The following NBEA variants were observed in gnomAD, a reference collection of about 807,000 sequenced individuals.
NBEA encodes neurobeachin.
A neutral mutation model predicts 343.4 loss-of-function variants in NBEA; 44 were observed. The ratio of observed to expected loss-of-function variants is 0.13; its 90% CI spans 0.10 to 0.16. The LOEUF is 0.16. NBEA is among the 10% of genes least tolerant of loss of function. NBEA has a pLI of 1.00. For missense variants in NBEA, 2,555 were observed against 3,631.3 expected, an observed-to-expected ratio of 0.70 and a Z score of 7.62; for synonymous variants, 1,175 against 1,238.7, an observed-to-expected ratio of 0.95 and a Z score of 1.08.
At chr13:35,136,027 T>C (rs1219935944) in intron 17 of NBEA, among the ~76,000 whole-genome samples, 1 of 151,988 alleles carries the variant, frequency 6.6e-6, no homozygotes, top group Non-Finnish European at 1.5e-5. Flanking sequence ...ATATCCCTTG[T>C]CCCAACCTAA....
At chr13:35,354,301 A>T in intron 38 of NBEA, among the ~76,000 whole-genome samples, 1 of 152,164 alleles carries the variant, frequency 6.6e-6, no homozygotes, top group Non-Finnish European at 1.5e-5. Context: ...ACTTACTTAT[A>T]TGTAGTCAGG....
chr13:35,578,929 A>T (rs1437977437), intron 45 of NBEA, among the ~76,000 whole-genome samples: 1 of 142,418 alleles, frequency 7.0e-6, no homozygotes, highest in Non-Finnish European at 1.6e-5. Context: ...GTCATCTTAA[A>T]CTTTTTTTTT....
intron 53 of NBEA, among the ~76,000 whole-genome samples, chr13:35,654,374 A>G (rs1435365233): frequency 6.6e-6 from 1 of 152,184 alleles, no homozygotes. Flanking sequence ...CCCACGTAAC[A>G]ACATCCCTTG....
chr13:35,510,116 T>C (rs1024659347), intron 41 of NBEA, among the ~76,000 whole-genome samples: 2 of 152,174 alleles, frequency 1.3e-5, no homozygotes, highest in African/African-American at 4.8e-5. Flanking sequence ...TGGGTTTGTA[T>C]CAGAGGTGAC....
intron 10 of NBEA, among the ~76,000 whole-genome samples, chr13:35,071,858 T>A (rs111701175): frequency 6.6e-6 from 1 of 152,122 alleles, no homozygotes; most frequent in African/African-American, 2.4e-5. Context: ...ATGTAAAGTA[T>A]AAATCTAAAT....
intron 41 of NBEA, among the ~76,000 whole-genome samples, chr13:35,541,728 GTGT>G (rs1166305926): frequency 3.7e-5 from 3 of 82,020 alleles, no homozygotes; most frequent in Non-Finnish European, 5.1e-5. Flanking sequence ...CTGCATGGGT[GTGT>G]GTGTGTGTGT....
At position 35,550,875 on chromosome 13, in the gene NBEA, A is replaced by G. The variant is rs2079286256; in HGVS notation, c.6704-55A>G. The G allele has an allele frequency of 8.3e-6, 9 of 1,085,496 alleles. No homozygotes were observed. In the East Asian group the frequency reaches 9.6e-5, roughly 12 times the overall value. The allele number at this position is 1,085,496 out of a possible 1,614,324, so 67.2% of individuals were successfully genotyped here. A position where few individuals can be genotyped will look rare whatever the true frequency, so the allele number is the denominator to read the frequency against. ...CACTTGAAGATGACTTGTAAAATTGATGGCTAACTTATCCTGCGGTTTTCT... is the reference window on the plus strand; with the variant it reads ...CACTTGAAGATGACTTGTAAAATTGGTGGCTAACTTATCCTGCGGTTTTCT... On this transcript the variant is annotated intron_variant, in intron 42 of 58. Coordinates refer to ENST00000379939, the MANE Select transcript of NBEA (RefSeq NM_001385012.1).
In NBEA at chr13:35,221,452, ATTAT is replaced by A. The variant is rs370713365; in HGVS notation, c.5648+10278_5648+10281del. Among the ~76,000 whole-genome samples the A allele has an allele frequency of 1.9e-3, 281 of 151,642 alleles. 1 individual carries two copies. The highest frequency in any genetic ancestry group is 6.6e-3 in the African/African-American group (273 of 41,350). On this transcript the variant is annotated intron_variant, in intron 33 of 58. Coordinates refer to ENST00000379939, the MANE Select transcript of NBEA (RefSeq NM_001385012.1). ...AAATATAGTTACCCTAAAGTCTTTGATTATTTATCAGAGCTACCTCTGTCATCTT... is the reference window on the plus strand; with the variant it reads ...AAATATAGTTACCCTAAAGTCTTTGATTATCAGAGCTACCTCTGTCATCTT...
At chr13:35,038,026 C>T (rs2062512338) in intron 1 of NBEA, among the ~76,000 whole-genome samples, 2 of 152,276 alleles carry the variant, frequency 1.3e-5, no homozygotes, top group South Asian at 4.2e-4. Flanking sequence ...AGAAATCTAC[C>T]TGGCATTCTG....
At chr13:35,289,761 A>G (rs945432862) in intron 34 of NBEA, among the ~76,000 whole-genome samples, 2 of 151,892 alleles carry the variant, frequency 1.3e-5, no homozygotes. Context: ...AGTAGCCATT[A>G]TTACATAGAC....
chr13:35,182,377 A>G lies in NBEA; in HGVS notation c.4680A>G (p.Ala1560=), dbSNP rs2071377984. 1 of 1,605,700 alleles carries G rather than the reference A, an allele frequency of 6.2e-7. No individual in the cohort carries two copies. Among genetic ancestry groups the G allele is most frequent in the Non-Finnish European group, 8.5e-7 (1 of 1,176,430 alleles). ...VFRDVDDSKQ[A]QFLALAVVYF... ...TTTCATAGGATGATAGCAAACAAGC[A>G]CAGTTCTTAGCTCTGGCTGTTGTTT... Residue 1560 remains alanine, a synonymous_variant, in exon 29 of 59, where the codon GCA becomes GCG. Coordinates refer to ENST00000379939, the MANE Select transcript of NBEA (RefSeq NM_001385012.1).
chr13:35,094,794 G>C (rs189840003), intron 10 of NBEA, among the ~76,000 whole-genome samples: 1 of 151,608 alleles, frequency 6.6e-6, no homozygotes, highest in Non-Finnish European at 1.5e-5. Flanking sequence ...CCTAAATTAG[G>C]CTTAAGAGAT....
intron 1 of NBEA, among the ~76,000 whole-genome samples, chr13:34,964,300 CTGTT>C (rs1437222647): frequency 1.3e-5 from 2 of 151,960 alleles, no homozygotes; most frequent in Non-Finnish European, 2.9e-5. Flanking sequence ...CCTCAAGAAT[CTGTT>C]TGCTTACCCA....
At chr13:34,986,340 C>T (rs370896694) in intron 1 of NBEA, among the ~76,000 whole-genome samples, 2 of 150,582 alleles carry the variant, frequency 1.3e-5, no homozygotes, top group African/African-American at 2.4e-5. Context: ...TGTAGTTGTG[C>T]GGTTTTGAGT....
intron 17 of NBEA, among the ~76,000 whole-genome samples, chr13:35,136,578 A>AAG (rs1294959498): frequency 6.6e-6 from 1 of 152,200 alleles, no homozygotes; most frequent in Non-Finnish European, 1.5e-5. Context: ...GTGATTAAAA[A>AAG]AGAGAGTTCC....
At chr13:35,573,081 C>T (rs2080521428) in intron 45 of NBEA, among the ~76,000 whole-genome samples, 1 of 152,120 alleles carries the variant, frequency 6.6e-6, no homozygotes, top group Non-Finnish European at 1.5e-5. Flanking sequence ...TAACTTGTTT[C>T]AATGTATGTT....
intron 17 of NBEA, among the ~76,000 whole-genome samples, chr13:35,135,687 T>C (rs1008338210): frequency 1.3e-5 from 2 of 151,934 alleles, no homozygotes; most frequent in African/African-American, 2.4e-5. Context: ...TTGTAATAAG[T>C]CTAGTGGACT....
At chr13:35,049,100 T>C (rs1487750110) in intron 5 of NBEA, among the ~76,000 whole-genome samples, 2 of 151,848 alleles carry the variant, frequency 1.3e-5, no homozygotes, top group Non-Finnish European at 2.9e-5. Flanking sequence ...TTGTTGATAA[T>C]AACTATGTAA....
chr13:35,135,495 T>A (rs1325917350), intron 17 of NBEA, among the ~76,000 whole-genome samples: 6 of 152,132 alleles, frequency 3.9e-5, no homozygotes, highest in Non-Finnish European at 7.4e-5. Context: ...GCTGTGTACA[T>A]TAATGGGAAG....
Sources: gnomAD v4.1 joint callset for allele counts (sites outside exome capture counted in the v4.1 genomes callset) on GRCh38, gnomAD v4.1.1 for gene constraint, MANE v1.5 for transcripts, NCBI Gene and HGNC (gene_info 2026-07-23, HGNC 2026-07-21) for gene names.